Variants in DGKB observed in about 807,000 individuals in gnomAD.
DGKB encodes the protein 90 kDa diacylglycerol kinase.
Under a neutral mutation model 114.3 loss-of-function variants are expected in DGKB, and 67 were observed. The ratio of observed to expected loss-of-function variants is 0.59; its 90% CI spans 0.48 to 0.72. The LOEUF is 0.72. Among genes scored for constraint, DGKB ranks in the 30% least tolerant of loss-of-function variants. DGKB has a pLI of 0.00. For missense variants in DGKB, 907 were observed against 975.2 expected (o/e 0.93, Z 0.93); for synonymous variants, 398 against 323.1 (o/e 1.23, Z -2.49).
chr7:14,208,258 T>C (rs1787156286), intron 23 of DGKB, among the ~76,000 whole-genome samples: 1 of 151,920 alleles, frequency 6.6e-6, no homozygotes, highest in Non-Finnish European at 1.5e-5. Flanking sequence ...AAATAAAACA[T>C]TTACTTGAGC....
chr7:14,294,307 A>G (rs956931321), intron 23 of DGKB, among the ~76,000 whole-genome samples: 2 of 152,122 alleles, frequency 1.3e-5, no homozygotes, highest in African/African-American at 2.4e-5. Flanking sequence ...TATGTAACAT[A>G]ATGTATTCAT....
intron 20 of DGKB, among the ~76,000 whole-genome samples, chr7:14,572,139 T>G (rs1170575551): frequency 6.6e-6 from 1 of 151,822 alleles, no homozygotes; most frequent in East Asian, 1.9e-4. Context: ...GTCAAAAGAA[T>G]GAAAAGAAAC....
intron 1 of DGKB, among the ~76,000 whole-genome samples, chr7:14,958,467 AC>A (rs1180210934): frequency 1.4e-5 from 2 of 145,536 alleles, no homozygotes; most frequent in Admixed American, 6.9e-5. Context: ...ACACACACAC[AC>A]ACACACACCC....
chr7:14,542,646 A>G (rs193269480), intron 20 of DGKB, among the ~76,000 whole-genome samples: 2 of 152,270 alleles, frequency 1.3e-5, no homozygotes, highest in East Asian at 3.9e-4. Context: ...AACGTTAAGT[A>G]TAATATTTCT....
intron 20 of DGKB, among the ~76,000 whole-genome samples, chr7:14,544,985 TG>T (rs1004712590): frequency 3.3e-5 from 5 of 151,992 alleles, no homozygotes; most frequent in Non-Finnish European, 7.4e-5. Flanking sequence ...GATGCCAAAA[TG>T]TTTTTTTTTT....
intron 23 of DGKB, among the ~76,000 whole-genome samples, chr7:14,211,062 A>T (rs1274609834): frequency 1.3e-5 from 2 of 151,960 alleles, no homozygotes; most frequent in Non-Finnish European, 2.9e-5. Flanking sequence ...TTCACAATCA[A>T]ACATCTTTAT....
At chr7:14,622,750 A>T (rs1484713925) in intron 14 of DGKB, among the ~76,000 whole-genome samples, 1 of 151,910 alleles carries the variant, frequency 6.6e-6, no homozygotes, top group Non-Finnish European at 1.5e-5. Context: ...AGCCAAACTC[A>T]TCCCTTTTTT....
rs369786295 is a variant in DGKB, at chr7:14,874,366, A to T, written c.-188+28226T>A. Among the ~76,000 whole-genome samples the T allele has an allele frequency of 7.8e-3, 1,193 of 152,180 alleles. 14 individuals are homozygous for T. The highest frequency in any genetic ancestry group is 0.028 in the African/African-American group (1,146 of 41,574). On this transcript the variant is annotated intron_variant, in intron 1 of 25. Coordinates refer to ENST00000402815, the MANE Select transcript of DGKB (RefSeq NM_001350709.2). ...AGTTAGTTGATAGCTTAGCATTGGA[A>T]ACAGCATGCATTTTCCACATTTCAG... is the stretch of plus-strand genomic sequence containing the variant.
chr7:14,569,318 C>T (rs532793359), intron 20 of DGKB, among the ~76,000 whole-genome samples: 9 of 152,256 alleles, frequency 5.9e-5, no homozygotes, highest in Non-Finnish European at 8.8e-5. Context: ...AAAGAAAACT[C>T]AGTCAAAGCC....
intron 2 of DGKB, among the ~76,000 whole-genome samples, chr7:14,789,141 T>C (rs1342968243): frequency 6.6e-6 from 1 of 152,016 alleles, no homozygotes; most frequent in East Asian, 1.9e-4. Context: ...ATATAAGGCA[T>C]AGAGATCTCG....
At chr7:14,296,683 A>T (rs984038120) in intron 23 of DGKB, among the ~76,000 whole-genome samples, 1 of 151,786 alleles carries the variant, frequency 6.6e-6, no homozygotes, top group Admixed American at 6.6e-5. Flanking sequence ...GAAGACAAGA[A>T]GTAACTAAGA....
chr7:14,811,699 C>T lies in DGKB; in HGVS notation c.70+29495G>A, dbSNP rs73070773. On this transcript the variant is annotated intron_variant, in intron 2 of 25. Coordinates refer to ENST00000402815, the MANE Select transcript of DGKB (RefSeq NM_001350709.2). ...TATTCTAATGTCAGAATTCCCTGAG[C>T]TGATCATATTTATCCTGTCACTAGA... is the stretch of plus-strand genomic sequence containing the variant. Among the ~76,000 whole-genome samples, 233 of 152,064 alleles carry T rather than the reference C, an allele frequency of 1.5e-3. 1 individual carries two copies. In the Middle Eastern group the frequency reaches 0.02, roughly 13 times the overall value.
intron 20 of DGKB, among the ~76,000 whole-genome samples, chr7:14,561,911 T>A (rs1367392936): frequency 6.6e-6 from 1 of 152,004 alleles, no homozygotes; most frequent in Non-Finnish European, 1.5e-5. Flanking sequence ...CACCAAGAAA[T>A]GGGGAAACTG....
At chr7:14,627,034 C>T (rs10254418) in intron 14 of DGKB, among the ~76,000 whole-genome samples, 49,165 of 151,746 alleles carry the variant, frequency 0.32, 8,291 homozygotes, top group East Asian at 0.68. Context: ...AAAATTTAGA[C>T]AAAAGTACTG....
At chr7:14,850,912 GT>G (rs1449552664) in intron 1 of DGKB, among the ~76,000 whole-genome samples, 1 of 152,140 alleles carries the variant, frequency 6.6e-6, no homozygotes, top group Non-Finnish European at 1.5e-5. Flanking sequence ...TGTCTTCACT[GT>G]GTAGTGAATC....
intron 21 of DGKB, among the ~76,000 whole-genome samples, chr7:14,370,512 G>C (rs1374519457): frequency 6.6e-6 from 1 of 152,078 alleles, no homozygotes; most frequent in Admixed American, 6.6e-5. Flanking sequence ...AAATTACTTT[G>C]GGCAGTATGG....
chr7:14,365,430 TAGA>T (rs1816505931), intron 21 of DGKB, among the ~76,000 whole-genome samples: 1 of 151,988 alleles, frequency 6.6e-6, no homozygotes, highest in African/African-American at 2.4e-5. Context: ...AGAACAGAGT[TAGA>T]AGGAGAAGGG....
chr7:14,708,786 C>A (rs1047314727), intron 6 of DGKB, among the ~76,000 whole-genome samples: 1 of 149,944 alleles, frequency 6.7e-6, no homozygotes, highest in East Asian at 2.0e-4. Context: ...AACTGGATCC[C>A]TTCCTTACAC....
intron 20 of DGKB, among the ~76,000 whole-genome samples, chr7:14,546,562 T>C: frequency 6.6e-6 from 1 of 152,150 alleles, no homozygotes; most frequent in Middle Eastern, 3.2e-3. Context: ...CCCCTAGGTT[T>C]TTCTGGTGGA....
Sources: allele counts gnomAD v4.1 joint callset (sites outside exome capture counted in the v4.1 genomes callset), GRCh38; gene constraint gnomAD v4.1.1; transcripts MANE v1.5; gene names NCBI Gene and HGNC (gene_info 2026-07-23, HGNC 2026-07-21).